The following TMCO6 variants were observed in gnomAD, a reference collection of about 807,000 sequenced individuals.
The protein encoded by TMCO6 is transmembrane and coiled-coil domain-containing protein 6.
Under a neutral mutation model 61.8 loss-of-function variants are expected in TMCO6, and 47 were observed. The observed-to-expected ratio is 0.76, with a 90% CI of 0.60 to 0.97. The LOEUF is 0.97. TMCO6 is among the 50% of genes least tolerant of loss of function. The pLI is 0.00. For synonymous variants in TMCO6, 261 were observed against 254.2 expected (o/e 1.03, Z -0.25); for missense variants, 557 against 601.6 (o/e 0.93, Z 0.78).
intron 2 of TMCO6, 163 bp downstream of exon 2, chr5:140,640,014 C>T: frequency 1.6e-6 from 1 of 641,726 alleles, no homozygotes; most frequent in Non-Finnish European, 2.8e-6. Flanking sequence ...AACTCTTTGA[C>T]CCACAACCCC....
downstream of TMCO6, chr5:140,647,418 C>T (rs1160454115): frequency 6.2e-7 from 1 of 1,610,918 alleles, no homozygotes; most frequent in Non-Finnish European, 8.5e-7. Context: ...CCCTCAACTT[C>T]AGGGAGGTCG....
chr5:140,640,291 G>A (rs1756934704), intron 2 of TMCO6, among the ~76,000 whole-genome samples: 2 of 151,994 alleles, frequency 1.3e-5, no homozygotes, highest in African/African-American at 2.4e-5. Context: ...CCTACCCACC[G>A]TCCTCTTTTT....
the TMCO6 span, among the ~76,000 whole-genome samples, chr5:140,627,096 T>C: frequency 6.6e-6 from 1 of 152,226 alleles, no homozygotes; most frequent in East Asian, 1.9e-4. Context: ...CTGTGCCTTC[T>C]TATAATCTTT....
chr5:140,621,523 G>A, the TMCO6 span, among the ~76,000 whole-genome samples: 6 of 152,092 alleles, frequency 3.9e-5, no homozygotes, highest in African/African-American at 1.4e-4. Flanking sequence ...AGGACTATGT[G>A]ATAATTGCAT....
the TMCO6 span, chr5:140,632,196 G>A: frequency 6.2e-7 from 1 of 1,613,640 alleles, no homozygotes; most frequent in South Asian, 1.1e-5. This position sits in a 1 kb window ranked among gnomAD's most constrained non-coding sequence, Gnocchi z 6.2. Context: ...GTTTACGGTG[G>A]CGCGCAGCGA....
downstream of TMCO6, chr5:140,647,179 G>T: frequency 6.9e-7 from 1 of 1,442,478 alleles, no homozygotes; most frequent in South Asian, 1.4e-5. Flanking sequence ...GTTTCTGCAC[G>T]ACCTTGGGCG....
At chr5:140,636,010 T>C (rs1205761096), upstream of TMCO6, among the ~76,000 whole-genome samples, 1 of 152,164 alleles carries the variant, frequency 6.6e-6, no homozygotes, top group East Asian at 1.9e-4. Context: ...GTTATTGTTG[T>C]TGTTTTAGAT....
At chr5:140,632,011 T>A in the TMCO6 span, 1 of 1,614,202 alleles carries the variant, frequency 6.2e-7, no homozygotes, top group Non-Finnish European at 8.5e-7. This position sits in a 1 kb window ranked among gnomAD's most constrained non-coding sequence, Gnocchi z 6.2. Context: ...CCGTCCAGTG[T>A]CAGGTTATCC....
chr5:140,612,541 G>A, the TMCO6 span, among the ~76,000 whole-genome samples: 11 of 152,082 alleles, frequency 7.2e-5, no homozygotes, highest in South Asian at 1.2e-3. Context: ...GGGTTTCACC[G>A]TGTTAGCCAG....
At chr5:140,635,976 G>C (rs879621124), upstream of TMCO6, among the ~76,000 whole-genome samples, 2 of 152,170 alleles carry the variant, frequency 1.3e-5, no homozygotes, top group Non-Finnish European at 2.9e-5. Context: ...CCCACCTGGA[G>C]CACATGTGGG....
the TMCO6 span, among the ~76,000 whole-genome samples, chr5:140,599,300 T>C: frequency 1.3e-5 from 2 of 152,216 alleles, no homozygotes; most frequent in Non-Finnish European, 2.9e-5. Flanking sequence ...GATTCTTCTA[T>C]TGGGCATTGA....
the TMCO6 span, among the ~76,000 whole-genome samples, chr5:140,612,560 C>T: frequency 6.6e-6 from 1 of 151,990 alleles, no homozygotes; most frequent in Admixed American, 6.6e-5. Context: ...AGGATGGTCT[C>T]GATCTCGCGA....
chr5:140,597,565 GT>G, the TMCO6 span, among the ~76,000 whole-genome samples: 3 of 152,150 alleles, frequency 2.0e-5, no homozygotes, highest in African/African-American at 4.8e-5. Flanking sequence ...CCCTAATTGG[GT>G]TATTCATTCC....
At position 140,645,370 on chromosome 5, in the gene TMCO6, T is replaced by G; in HGVS notation, c.*272T>G. 1.3e-6 allele frequency: 1 copy of G among 780,780 alleles called. No individual in the cohort carries two copies. The highest frequency in any genetic ancestry group is 2.2e-6 in the Non-Finnish European group (1 of 459,888). The allele number at this position is 780,780 out of a possible 1,614,324, so 48.4% of individuals were successfully genotyped here. The stretch of plus-strand genomic sequence containing the variant: ...GTTTGCTTCAGCAGCTGGTAGCTTT[T>G]GATGAGACAGAATAAAGTTTTATTT... On this transcript the variant is annotated 3_prime_UTR_variant, in exon 12 of 12. Coordinates refer to ENST00000394671, the MANE Select transcript of TMCO6 (RefSeq NM_018502.5).
downstream of TMCO6, chr5:140,645,809 C>T: frequency 6.9e-7 from 1 of 1,440,142 alleles, no homozygotes; most frequent in Non-Finnish European, 9.5e-7. Context: ...GATCAAAATA[C>T]ATTTGGTATG....
the TMCO6 span, among the ~76,000 whole-genome samples, chr5:140,599,216 C>G: frequency 3.3e-5 from 5 of 152,148 alleles, no homozygotes; most frequent in Non-Finnish European, 7.4e-5. Context: ...TTCCATGGAC[C>G]CAGGTGGCCA....
At chr5:140,631,823 A>T in the TMCO6 span, 72 of 1,515,060 alleles carry the variant, frequency 4.8e-5, no homozygotes, top group Non-Finnish European at 6.2e-5. Flanking sequence ...AAGCCAAGGC[A>T]GTTTGAGTCC....
the TMCO6 span, chr5:140,632,590 T>C: frequency 6.2e-6 from 10 of 1,613,960 alleles, no homozygotes; most frequent in South Asian, 1.1e-4. This position sits in a 1 kb window ranked among gnomAD's most constrained non-coding sequence, Gnocchi z 6.2. Flanking sequence ...AGCGGAGGCA[T>C]GGTGCCGGTT....
chr5:140,612,334 C>CTTTTT, the TMCO6 span, among the ~76,000 whole-genome samples: 115 of 112,236 alleles, frequency 1.0e-3, 1 homozygote, highest in African/African-American at 2.2e-3. Flanking sequence ...CTTGCCCAAT[C>CTTTTT]TTTTTTTTTT....
Sources: allele counts gnomAD v4.1 joint callset (sites outside exome capture counted in the v4.1 genomes callset), GRCh38; gene constraint gnomAD v4.1.1; non-coding constraint Gnocchi (gnomAD v3.1); transcripts MANE v1.5; gene names NCBI Gene and HGNC (gene_info 2026-07-23, HGNC 2026-07-21).